Variants in WWOX observed in about 807,000 individuals in gnomAD.
WWOX encodes WW domain-containing oxidoreductase.
A neutral mutation model predicts 46.2 loss-of-function variants in WWOX; 69 were observed. That is an observed-to-expected ratio of 1.49 (90% CI 1.23 to 1.82). WWOX has a LOEUF of 1.82. Ranked by LOEUF, WWOX falls within the 40% of genes most tolerant of loss-of-function variation. The pLI, the probability that WWOX is intolerant of heterozygous loss-of-function variation, is 0.00. For missense variants in WWOX, 919 were observed against 542.6 expected (o/e 1.69, Z -6.89); for synonymous variants, 359 against 202.6 (o/e 1.77, Z -6.56).
intron 8 of WWOX, among the ~76,000 whole-genome samples, chr16:79,171,401 A>G (rs1007807654): frequency 1.3e-5 from 2 of 152,140 alleles, no homozygotes; most frequent in African/African-American, 4.8e-5. Flanking sequence ...CACCCTTTCC[A>G]TTATTAGCTC....
At chr16:78,353,586 A>G (rs886704652) in intron 5 of WWOX, among the ~76,000 whole-genome samples, 1 of 152,236 alleles carries the variant, frequency 6.6e-6, no homozygotes, top group African/African-American at 2.4e-5. Context: ...GTATTCACCA[A>G]GGAATTTACC....
At chr16:78,405,408 G>A (rs2082504673) in intron 6 of WWOX, among the ~76,000 whole-genome samples, 1 of 152,192 alleles carries the variant, frequency 6.6e-6, no homozygotes, top group Non-Finnish European at 1.5e-5. Flanking sequence ...GATGGTGTCT[G>A]TCAAATTGTC....
chr16:78,700,567 C>T (rs1457259984), intron 8 of WWOX, among the ~76,000 whole-genome samples: 2 of 152,214 alleles, frequency 1.3e-5, no homozygotes, highest in Non-Finnish European at 2.9e-5. Context: ...GCAGCCTTCA[C>T]AGGCAGGAAA....
At chr16:78,904,234 C>CTTTTTT (rs5818190) in intron 8 of WWOX, among the ~76,000 whole-genome samples, 3 of 85,794 alleles carry the variant, frequency 3.5e-5, no homozygotes, top group African/African-American at 8.8e-5. Flanking sequence ...TTATAAATGC[C>CTTTTTT]TTTTTTTTTT....
intron 8 of WWOX, among the ~76,000 whole-genome samples, chr16:78,826,387 AG>A (rs2051657912): frequency 6.6e-6 from 1 of 152,208 alleles, no homozygotes; most frequent in Non-Finnish European, 1.5e-5. Flanking sequence ...ACAGTTCTGG[AG>A]GCCAGACATT....
At chr16:78,464,785 C>T (rs1316987018) in intron 8 of WWOX, among the ~76,000 whole-genome samples, 4 of 152,158 alleles carry the variant, frequency 2.6e-5, no homozygotes, top group Admixed American at 2.0e-4. Context: ...CTGCAACTCT[C>T]TGTTCTGACC....
chr16:78,357,012 A>G (rs2081309225), intron 5 of WWOX, among the ~76,000 whole-genome samples: 1 of 152,146 alleles, frequency 6.6e-6, no homozygotes. Context: ...CCTCAGTACT[A>G]CTGGCATTTG....
intron 8 of WWOX, among the ~76,000 whole-genome samples, chr16:78,886,148 G>T (rs1252367864): frequency 6.6e-6 from 1 of 151,308 alleles, no homozygotes; most frequent in Admixed American, 6.6e-5. Flanking sequence ...AGGTCTTGAA[G>T]TCCTGACCTT....
intron 5 of WWOX, among the ~76,000 whole-genome samples, chr16:78,181,295 G>T (rs2151753434): frequency 6.6e-6 from 1 of 152,222 alleles, no homozygotes; most frequent in Middle Eastern, 3.4e-3. Context: ...GTGTGTGTGG[G>T]GGTGTTGATC....
At chr16:79,180,432 A>G (rs1412031384) in intron 8 of WWOX, among the ~76,000 whole-genome samples, 1 of 152,282 alleles carries the variant, frequency 6.6e-6, no homozygotes, top group Non-Finnish European at 1.5e-5. Context: ...TTCACCCATT[A>G]TAAAATGGAC....
chr16:78,420,733 A>C (rs2082907607), intron 6 of WWOX, among the ~76,000 whole-genome samples: 1 of 151,946 alleles, frequency 6.6e-6, no homozygotes, highest in Non-Finnish European at 1.5e-5. Context: ...AGTATACTAA[A>C]ACAGCTGTAC....
intron 8 of WWOX, among the ~76,000 whole-genome samples, chr16:78,576,696 A>C (rs2044889201): frequency 6.6e-6 from 1 of 152,140 alleles, no homozygotes; most frequent in African/African-American, 2.4e-5. Flanking sequence ...GCTGGGCATG[A>C]TGGCTCATAG....
intron 8 of WWOX, among the ~76,000 whole-genome samples, chr16:78,727,274 A>ATG (rs1296935296): frequency 3.3e-5 from 5 of 152,192 alleles, no homozygotes; most frequent in African/African-American, 1.2e-4. Flanking sequence ...TGACAAACGC[A>ATG]TGTAATCCCA....
At chr16:78,330,740 A>G (rs1206994450) in intron 5 of WWOX, among the ~76,000 whole-genome samples, 3 of 152,208 alleles carry the variant, frequency 2.0e-5, no homozygotes, top group Admixed American at 6.5e-5. Context: ...ATTTTTCTGA[A>G]CATGTCAGTG....
intron 8 of WWOX, among the ~76,000 whole-genome samples, chr16:78,572,422 C>G (rs537459974): frequency 6.6e-6 from 1 of 152,002 alleles, no homozygotes; most frequent in African/African-American, 2.4e-5. Context: ...TACTGAGACC[C>G]CATCTCTACT....
At chr16:78,588,487 T>G (rs1320411202) in intron 8 of WWOX, among the ~76,000 whole-genome samples, 1 of 152,120 alleles carries the variant, frequency 6.6e-6, no homozygotes, top group Non-Finnish European at 1.5e-5. Context: ...GAAAGTTATT[T>G]TTGTAGTGGC....
At chr16:78,478,817 T>A (rs1413634096) in intron 8 of WWOX, among the ~76,000 whole-genome samples, 1 of 152,050 alleles carries the variant, frequency 6.6e-6, no homozygotes, top group Non-Finnish European at 1.5e-5. Flanking sequence ...AAATTTATTT[T>A]TTATTTATTT....
chr16:79,005,961 C>A (rs1400751786), intron 8 of WWOX, among the ~76,000 whole-genome samples: 1 of 152,160 alleles, frequency 6.6e-6, no homozygotes. Flanking sequence ...ACCCACTGGC[C>A]ATTCCTGGGG....
chr16:78,440,867 C>T (rs1039461593), intron 8 of WWOX, among the ~76,000 whole-genome samples: 1 of 152,136 alleles, frequency 6.6e-6, no homozygotes, highest in Non-Finnish European at 1.5e-5. Flanking sequence ...GATCCACCTG[C>T]CTTGGCCTTC....
Sources: gnomAD v4.1 joint callset for allele counts (sites outside exome capture counted in the v4.1 genomes callset) on GRCh38, gnomAD v4.1.1 for gene constraint, MANE v1.5 for transcripts, NCBI Gene and HGNC (gene_info 2026-07-23, HGNC 2026-07-21) for gene names.